LRRC8C: variants seen among roughly 807,000 people sequenced by gnomAD.
LRRC8C encodes the protein volume-regulated anion channel subunit LRRC8C.
A neutral mutation model predicts 55.3 loss-of-function variants in LRRC8C; 20 were observed. The ratio of observed to expected loss-of-function variants is 0.36; its 90% CI spans 0.25 to 0.53. The LOEUF is 0.53. LRRC8C is among the 20% of genes least tolerant of loss of function. The pLI, the probability that LRRC8C is intolerant of heterozygous loss-of-function variation, is 0.92. For synonymous variants in LRRC8C, 376 were observed against 360.7 expected, an observed-to-expected ratio of 1.04 and a Z score of -0.48; for missense variants, 659 against 951.4, an observed-to-expected ratio of 0.69 and a Z score of 4.04.
chr1:89,712,607 A>C (rs1658679999), intron 2 of LRRC8C, 102 bp from the exon 3 acceptor site: 11 of 768,934 alleles, frequency 1.4e-5, no homozygotes, highest in Non-Finnish European at 2.2e-5. Flanking sequence ...CAGGCAGAGG[A>C]AATGGACATT....
intron 1 of LRRC8C, among the ~76,000 whole-genome samples, chr1:89,670,571 A>G (rs1211544882): frequency 1.3e-5 from 2 of 152,238 alleles, no homozygotes; most frequent in African/African-American, 4.8e-5. Context: ...TGAAGATTGG[A>G]AAAGAGCTGT....
chr1:89,642,772 G>A (rs530705628), intron 1 of LRRC8C, among the ~76,000 whole-genome samples: 2 of 151,954 alleles, frequency 1.3e-5, no homozygotes, highest in African/African-American at 2.4e-5. Flanking sequence ...GCTTAAACCC[G>A]GGAGGTGGAG....
chr1:89,618,031 C>T, the LRRC8C span, among the ~76,000 whole-genome samples: 7 of 152,096 alleles, frequency 4.6e-5, no homozygotes, highest in African/African-American at 1.7e-4. Flanking sequence ...TTTTATTGGG[C>T]TTTCATTATA....
chr1:89,692,224 T>C (rs2101301423), intron 2 of LRRC8C, among the ~76,000 whole-genome samples: 1 of 152,354 alleles, frequency 6.6e-6, no homozygotes, highest in South Asian at 2.1e-4. Context: ...GATTTTCCAC[T>C]TGTAAATTGA....
At chr1:89,703,520 T>C (rs1453983412) in intron 2 of LRRC8C, among the ~76,000 whole-genome samples, 1 of 132,816 alleles carries the variant, frequency 7.5e-6, no homozygotes, top group African/African-American at 2.8e-5. Flanking sequence ...AATAAATATA[T>C]AAACAAACAC....
At position 89,714,045 on chromosome 1, in the gene LRRC8C, A is replaced by G; in HGVS notation, c.1475A>G (p.Asn492Ser). 2 of 1,613,762 alleles carry G rather than the reference A, an allele frequency of 1.2e-6. No homozygotes were observed. The highest frequency in any genetic ancestry group is 1.7e-6 in the Non-Finnish European group (2 of 1,180,010). ...HSAALSFLKE[N>S]LKVLSVKFDD... ...GCGGCGCTCTCTTTCCTGAAGGAAA[A>G]CCTCAAGGTCTTGAGCGTCAAGTTT... Residue 492 changes from asparagine (N) to serine (S), a missense_variant, in exon 3 of 3, where the codon AAC becomes AGC. Physicochemically the swap from Asn to Ser is conservative, Grantham distance 46 (BLOSUM62 1). Coordinates refer to ENST00000370454, the MANE Select transcript of LRRC8C (RefSeq NM_032270.5). The surrounding 1 kb of genome is among the most constrained non-coding windows in gnomAD (Gnocchi z 4.6).
intron 1 of LRRC8C, among the ~76,000 whole-genome samples, chr1:89,678,551 T>C (rs10801769): frequency 0.58 from 87,870 of 151,866 alleles, 26,416 homozygotes; most frequent in South Asian, 0.74. Flanking sequence ...AAATACAAAA[T>C]TAGCTGGGCA....
chr1:89,623,151 G>GAC, the LRRC8C span, among the ~76,000 whole-genome samples: 110 of 149,742 alleles, frequency 7.3e-4, 1 homozygote, highest in South Asian at 2.4e-3. Context: ...AACTAACTCA[G>GAC]ACACACACAC....
intron 2 of LRRC8C, among the ~76,000 whole-genome samples, chr1:89,686,942 C>G (rs961032287): frequency 6.6e-6 from 1 of 152,210 alleles, no homozygotes; most frequent in Non-Finnish European, 1.5e-5. Context: ...ACCATTGATA[C>G]TGCCAAAGTG....
chr1:89,634,410 G>A (rs1225476640), intron 1 of LRRC8C, among the ~76,000 whole-genome samples: 8 of 152,182 alleles, frequency 5.3e-5, no homozygotes, highest in Admixed American at 6.5e-5. Context: ...GGAAATCGCA[G>A]CCGTTTGTAA....
Position 89,714,563 on chromosome 1 carries a change from C to A in LRRC8C, c.1993C>A (p.Leu665Met). ...AAAGAAACTCACCAGCCTGGAACGC[C>A]TGTCCTTTAGTCACAATAAAATAGA... ...HIKKLTSLER[L>M]SFSHNKIEVL... Residue 665 changes from leucine to methionine, a missense_variant, in exon 3 of 3, where the codon CTG becomes ATG. Coordinates refer to ENST00000370454, the MANE Select transcript of LRRC8C (RefSeq NM_032270.5). The surrounding 1 kb of genome is among the most constrained non-coding windows in gnomAD (Gnocchi z 4.6). 6.2e-7 allele frequency: 1 copy of A among 1,614,176 alleles called. No individual in the cohort carries two copies. The highest frequency in any genetic ancestry group is 8.5e-7 in the Non-Finnish European group (1 of 1,180,024).
chr1:89,623,246 T>C, the LRRC8C span, among the ~76,000 whole-genome samples: 1 of 152,154 alleles, frequency 6.6e-6, no homozygotes, highest in Admixed American at 6.5e-5. Context: ...GAATTGATTT[T>C]TAAATAATTT....
At chr1:89,677,020 T>G (rs1570716345) in intron 1 of LRRC8C, among the ~76,000 whole-genome samples, 4 of 152,194 alleles carry the variant, frequency 2.6e-5, no homozygotes, top group African/African-American at 9.7e-5. Context: ...ATAATATAGG[T>G]AACTGTGGAA....
chr1:89,662,942 G>C (rs6703595), intron 1 of LRRC8C, among the ~76,000 whole-genome samples: 1 of 152,158 alleles, frequency 6.6e-6, no homozygotes, highest in Non-Finnish European at 1.5e-5. Context: ...CGTCTACATT[G>C]GGTATTTCTC....
At chr1:89,682,201 A>G (rs1657735844) in intron 1 of LRRC8C, among the ~76,000 whole-genome samples, 1 of 152,176 alleles carries the variant, frequency 6.6e-6, no homozygotes, top group Non-Finnish European at 1.5e-5. Flanking sequence ...AAATGCAATA[A>G]TAGTTGTGTT....
intron 1 of LRRC8C, among the ~76,000 whole-genome samples, chr1:89,645,794 T>C (rs1266980003): frequency 6.6e-6 from 1 of 151,984 alleles, no homozygotes; most frequent in African/African-American, 2.4e-5. Context: ...CCTCAAATAT[T>C]TGTAAATAAA....
intron 1 of LRRC8C, among the ~76,000 whole-genome samples, chr1:89,684,638 T>C (rs1238898964): frequency 8.5e-5 from 13 of 152,156 alleles, no homozygotes; most frequent in Admixed American, 8.5e-4. Context: ...TGTAATAATT[T>C]ACTGAGAAAA....
intron 2 of LRRC8C, among the ~76,000 whole-genome samples, chr1:89,703,632 A>G (rs966376555): frequency 1.3e-5 from 2 of 152,042 alleles, no homozygotes; most frequent in Non-Finnish European, 2.9e-5. Context: ...TAGTTACAAC[A>G]TATTCTTGGA....
At position 89,642,895 on chromosome 1, in the gene LRRC8C, G is replaced by A. The variant is rs939699309; in HGVS notation, c.-5+9573G>A. 2.4e-4 allele frequency among the ~76,000 whole-genome samples: 36 copies of A among 151,242 alleles called. 1 individual carries two copies. Among genetic ancestry groups the A allele is most frequent in the African/African-American group, 8.5e-4 (35 of 41,196 alleles). ...TAACTGGGTGTGTTGGTGCGCACCT[G>A]TAATCCCAGCTACTCAGGAGGCTGA... is the stretch of plus-strand genomic sequence containing the variant. On this transcript the variant is annotated intron_variant, in intron 1 of 2. Coordinates refer to ENST00000370454, the MANE Select transcript of LRRC8C (RefSeq NM_032270.5).
Sources: allele counts gnomAD v4.1 joint callset (sites outside exome capture counted in the v4.1 genomes callset), GRCh38; gene constraint gnomAD v4.1.1; non-coding constraint Gnocchi (gnomAD v3.1); transcripts MANE v1.5; gene names NCBI Gene and HGNC (gene_info 2026-07-23, HGNC 2026-07-21).